The following ZNF236 variants were observed in gnomAD, a reference collection of about 807,000 sequenced individuals.
The protein encoded by ZNF236 is zinc finger protein 236.
ZNF236 carries 50 observed loss-of-function variants against 191.2 expected under a neutral mutation model. The ratio of observed to expected loss-of-function variants is 0.26; its 90% CI spans 0.21 to 0.33. ZNF236 has a LOEUF of 0.33. Ranked by LOEUF, ZNF236 falls within the 10% of genes least tolerant of loss-of-function variation. ZNF236 has a pLI of 1.00. For missense variants in ZNF236, 1,754 were observed against 2,374.5 expected, an observed-to-expected ratio of 0.74 and a Z score of 5.43; for synonymous variants, 907 against 928.8, an observed-to-expected ratio of 0.98 and a Z score of 0.43.
rs1197264845 is a variant in ZNF236 at position 76,960,794 on chromosome 18, C to T, written c.5358C>T (p.Val1786=). The change falls in exon 30 of 31, where the codon GTC becomes GTT. Residue 1786 remains valine (V), a synonymous_variant. Coordinates refer to ENST00000320610, the MANE Select transcript of ZNF236 (RefSeq NM_001306089.2). The surrounding 1 kb of genome is among the most constrained non-coding windows in gnomAD (Gnocchi z 4.4). ...GERPYKCAYC[V]MGFTQKSNMK... is the part of the protein sequence containing the mutation. ...GGCCCTACAAGTGTGCCTACTGCGT[C>T]ATGGGCTTCACGCAGAAGAGCAACA... 6.2e-7 allele frequency: 1 copy of T among 1,614,166 alleles called. No individual in the cohort carries two copies. The highest frequency in any genetic ancestry group is 8.5e-7 in the Non-Finnish European group (1 of 1,180,032).
At chr18:76,905,621 C>T (rs1977720288) in intron 13 of ZNF236, among the ~76,000 whole-genome samples, 1 of 148,262 alleles carries the variant, frequency 6.7e-6, no homozygotes, top group Non-Finnish European at 1.5e-5. Flanking sequence ...TAGACTGAAG[C>T]ATTAGCATTT....
chr18:76,963,883 A>G (rs1426611382), intron 30 of ZNF236, among the ~76,000 whole-genome samples: 1 of 152,090 alleles, frequency 6.6e-6, no homozygotes, highest in Non-Finnish European at 1.5e-5. Flanking sequence ...GTAGCCTTGA[A>G]TGATCTTTTA....
At chr18:76,825,385 T>C (rs1974986549) in intron 1 of ZNF236, among the ~76,000 whole-genome samples, 1 of 152,014 alleles carries the variant, frequency 6.6e-6, no homozygotes. Flanking sequence ...ACTCTGTTAA[T>C]TTTTGCACTA....
At chr18:76,829,489 G>A (rs1599307803) in intron 1 of ZNF236, among the ~76,000 whole-genome samples, 1 of 151,960 alleles carries the variant, frequency 6.6e-6, no homozygotes, top group Admixed American at 6.6e-5. Context: ...TACTACGCCC[G>A]GCTAATTTTT....
intron 28 of ZNF236, among the ~76,000 whole-genome samples, chr18:76,958,627 G>A (rs1302658168): frequency 6.6e-6 from 1 of 152,140 alleles, no homozygotes; most frequent in Non-Finnish European, 1.5e-5. Context: ...AACACAGACC[G>A]GGTGGGAACC....
intron 3 of ZNF236, among the ~76,000 whole-genome samples, chr18:76,854,926 TTTTA>T (rs1976000865): frequency 6.6e-6 from 1 of 152,176 alleles, no homozygotes; most frequent in African/African-American, 2.4e-5. Flanking sequence ...ATATTTATAT[TTTTA>T]TTTATTTTTG....
At chr18:76,837,127 TC>T (rs57114708) in intron 1 of ZNF236, among the ~76,000 whole-genome samples, 11,713 of 37,018 alleles carry the variant, frequency 0.32, 995 homozygotes, top group African/African-American at 0.37. Context: ...CCGCACCCCC[TC>T]CCCCCCCCCC....
intron 14 of ZNF236, among the ~76,000 whole-genome samples, 174 bp from the exon 15 acceptor site, chr18:76,909,894 A>T (rs1339231700): frequency 6.6e-6 from 1 of 152,220 alleles, no homozygotes; most frequent in Non-Finnish European, 1.5e-5. Flanking sequence ...GGTATTCTAG[A>T]AATGCAAAGA....
chr18:76,940,946 A>T (rs1403019202), intron 26 of ZNF236, among the ~76,000 whole-genome samples: 1 of 152,214 alleles, frequency 6.6e-6, no homozygotes, highest in Admixed American at 6.5e-5. Flanking sequence ...CATGAATCCT[A>T]TTGTGAACTA....
In ZNF236 at chr18:76,871,695, C is replaced by T. The variant is rs1976588560; in HGVS notation, c.543-6C>T. 2.5e-6 allele frequency: 4 copies of T among 1,613,986 alleles called. No homozygotes were observed. The South Asian group carries it at 3.3e-5, about 13-fold the overall frequency. Reference sequence around the variant, plus strand: ...CTGTGTATTTTGCCCCCCTTTATTACACTAGGGTATCAAGTACAAGGTCTT... The same window carrying T: ...CTGTGTATTTTGCCCCCCTTTATTATACTAGGGTATCAAGTACAAGGTCTT... On this transcript the variant is annotated splice_region_variant and splice_polypyrimidine_tract_variant and intron_variant, in intron 4 of 30. Coordinates refer to ENST00000320610, the MANE Select transcript of ZNF236 (RefSeq NM_001306089.2).
At chr18:76,837,482 C>G (rs1162792493) in intron 1 of ZNF236, among the ~76,000 whole-genome samples, 1 of 142,988 alleles carries the variant, frequency 7.0e-6, no homozygotes, top group Non-Finnish European at 1.5e-5. Flanking sequence ...CTCTTGTTGC[C>G]CAGGCTGGAG....
At chr18:76,962,312 G>A (rs916547702) in intron 30 of ZNF236, among the ~76,000 whole-genome samples, 10 of 152,200 alleles carry the variant, frequency 6.6e-5, no homozygotes, top group Non-Finnish European at 1.3e-4. Flanking sequence ...GTTGAAAAGG[G>A]TGTCCTTTCC....
At chr18:76,829,306 C>T (rs556021522) in intron 1 of ZNF236, among the ~76,000 whole-genome samples, 8 of 149,042 alleles carry the variant, frequency 5.4e-5, no homozygotes, top group African/African-American at 1.7e-4. Flanking sequence ...TGGCAACTCA[C>T]GCATTATGGA....
intron 25 of ZNF236, among the ~76,000 whole-genome samples, chr18:76,932,646 G>T (rs529468515): frequency 2.1e-4 from 32 of 152,310 alleles, no homozygotes; most frequent in Non-Finnish European, 4.3e-4. Context: ...GCCTCACTGA[G>T]CAGGAAACTG....
chr18:76,912,338 G>A lies in ZNF236; in HGVS notation c.2900G>A (p.Arg967His), dbSNP rs754281206. The A allele has an allele frequency of 4.3e-6, 7 of 1,613,546 alleles. No homozygotes were observed. Among genetic ancestry groups the A allele is most frequent in the South Asian group, 2.2e-5 (2 of 91,028 alleles). ...GAGGACAACGAGGACCAGAGCAGGC[G>A]CTCTTACAGGTAGTTGTCTGCACAG... ...FLEDNEDQSR[R>H]SYRCDYCNKG... The change falls in exon 17 of 31, where the codon CGC becomes CAC. Residue 967 changes from arginine (R) to histidine (H), a missense_variant. Arg to His is a conservative substitution (Grantham distance 29). This residue lies in a region of ZNF236 where 641 missense variants were observed against 869.6 expected (regional missense o/e 0.74). Transcript: ENST00000320610.
At chr18:76,900,657 G>A (rs1211007981) in intron 11 of ZNF236, among the ~76,000 whole-genome samples, 1 of 152,162 alleles carries the variant, frequency 6.6e-6, no homozygotes, top group African/African-American at 2.4e-5. Context: ...TGAGTATTAT[G>A]TAAACAGATT....
intron 1 of ZNF236, among the ~76,000 whole-genome samples, chr18:76,846,156 T>C (rs1000634184): frequency 4.6e-5 from 7 of 152,352 alleles, no homozygotes; most frequent in African/African-American, 1.7e-4. Flanking sequence ...CTCGCTATAT[T>C]GCCCAGACTG....
chr18:76,869,237 T>C (rs1269331081), intron 4 of ZNF236, among the ~76,000 whole-genome samples: 1 of 152,246 alleles, frequency 6.6e-6, no homozygotes, highest in African/African-American at 2.4e-5. Context: ...TGCCTGACAC[T>C]GTTCTTAGCG....
intron 1 of ZNF236, chr18:76,834,735 C>G (rs1455339215): frequency 1.4e-5 from 6 of 442,288 alleles, no homozygotes; most frequent in Admixed American, 2.5e-5. Flanking sequence ...TGAACATCAT[C>G]CTTTCGGATG....
Sources: allele counts gnomAD v4.1 joint callset (sites outside exome capture counted in the v4.1 genomes callset), GRCh38; gene constraint gnomAD v4.1.1; regional missense constraint gnomAD v4.1.1; non-coding constraint Gnocchi (gnomAD v3.1); transcripts MANE v1.5; gene names NCBI Gene and HGNC (gene_info 2026-07-23, HGNC 2026-07-21).